The following TAFA1 variants were observed in gnomAD, a reference collection of about 807,000 sequenced individuals.
TAFA1 encodes the protein chemokine-like protein TAFA-1.
TAFA1 carries 4 observed loss-of-function variants against 18.5 expected under a neutral mutation model. The ratio of observed to expected loss-of-function variants is 0.22; its 90% CI spans 0.11 to 0.49. The LOEUF is 0.49. Among genes scored for constraint, TAFA1 ranks in the 20% least tolerant of loss-of-function variants. The probability of loss-of-function intolerance (pLI) is 0.98; values close to 1 mark genes in which losing one functional copy is unlikely to be tolerated. For missense variants in TAFA1, 147 were observed against 169.0 expected (o/e 0.87, Z 0.72); for synonymous variants, 56 against 55.2 (o/e 1.01, Z -0.06).
intron 2 of TAFA1, among the ~76,000 whole-genome samples, chr3:68,070,830 G>A (rs2064745181): frequency 6.6e-6 from 1 of 152,178 alleles, no homozygotes; most frequent in Admixed American, 6.5e-5. Flanking sequence ...TTGCTAAAAT[G>A]TACCAAGTAT....
intron 2 of TAFA1, among the ~76,000 whole-genome samples, chr3:68,239,585 A>G (rs892632995): frequency 6.6e-6 from 1 of 152,198 alleles, no homozygotes; most frequent in African/African-American, 2.4e-5. Flanking sequence ...TATTACTAGC[A>G]TTTGAAGAAG....
chr3:68,281,981 G>A (rs1328307978), intron 2 of TAFA1, among the ~76,000 whole-genome samples: 1 of 152,156 alleles, frequency 6.6e-6, no homozygotes, highest in East Asian at 1.9e-4. Flanking sequence ...AGTTCAGCAT[G>A]GCTGGGGAGG....
At chr3:68,139,810 A>T (rs909271299) in intron 2 of TAFA1, among the ~76,000 whole-genome samples, 1 of 152,188 alleles carries the variant, frequency 6.6e-6, no homozygotes, top group Non-Finnish European at 1.5e-5. Flanking sequence ...ATTTCAACCC[A>T]TGTCAATGTG....
At chr3:68,245,344 G>GCTC (rs2067058606) in intron 2 of TAFA1, among the ~76,000 whole-genome samples, 2 of 152,180 alleles carry the variant, frequency 1.3e-5, no homozygotes, top group Admixed American at 6.5e-5. Flanking sequence ...AGGCCATGTA[G>GCTC]CTAAGGATGA....
chr3:68,316,811 T>G (rs962546637), intron 2 of TAFA1, among the ~76,000 whole-genome samples: 3 of 152,204 alleles, frequency 2.0e-5, no homozygotes, highest in African/African-American at 7.2e-5. Flanking sequence ...AATATTTGAA[T>G]TCAGTGGATT....
At chr3:68,101,147 C>T (rs2065142771) in intron 2 of TAFA1, among the ~76,000 whole-genome samples, 2 of 152,064 alleles carry the variant, frequency 1.3e-5, no homozygotes, top group South Asian at 4.1e-4. Context: ...TTTTCCTGAT[C>T]ATCTCCTTCT....
intron 2 of TAFA1, among the ~76,000 whole-genome samples, chr3:68,359,299 C>A (rs2069426389): frequency 6.6e-6 from 1 of 151,852 alleles, no homozygotes; most frequent in Non-Finnish European, 1.5e-5. Flanking sequence ...AATAATGATC[C>A]CGCCAATGAT....
chr3:68,117,464 A>C (rs2065337808), intron 2 of TAFA1, among the ~76,000 whole-genome samples: 1 of 152,212 alleles, frequency 6.6e-6, no homozygotes, highest in Admixed American at 6.5e-5. Flanking sequence ...AGCTGAATTT[A>C]ATGATAGGTT....
intron 2 of TAFA1, among the ~76,000 whole-genome samples, chr3:68,022,739 T>TA (rs1420858538): frequency 6.7e-6 from 1 of 149,634 alleles, no homozygotes; most frequent in Admixed American, 6.7e-5. Flanking sequence ...GCATTGAGGG[T>TA]AGGAGAAGAC....
rs1394567170 is a variant in TAFA1, at chr3:68,244,230, TG to T, written c.119-173046del. Among the ~76,000 whole-genome samples the T allele has an allele frequency of 2.0e-5, 3 of 152,346 alleles. No homozygotes were observed. In the East Asian group the frequency reaches 5.8e-4, roughly 29 times the overall value. On this transcript the variant is annotated intron_variant, in intron 2 of 4. Coordinates refer to ENST00000478136, the MANE Select transcript of TAFA1 (RefSeq NM_213609.4). ...CTAATTTCCCTTTTCATCCCCTTCA[TG>T]GGGTCTTTTGCAGATCAAAAGTTTC...
chr3:68,043,738 A>G (rs1330604295), intron 2 of TAFA1, among the ~76,000 whole-genome samples: 1 of 152,150 alleles, frequency 6.6e-6, no homozygotes, highest in African/African-American at 2.4e-5. Context: ...GTTGCTTGCC[A>G]GAGTCAAAAC....
chr3:68,294,292 G>A (rs1020665795), intron 2 of TAFA1, among the ~76,000 whole-genome samples: 35 of 151,964 alleles, frequency 2.3e-4, no homozygotes, highest in African/African-American at 8.4e-4. Context: ...ATTTTAAAAA[G>A]TAAAAAAAAG....
intron 2 of TAFA1, among the ~76,000 whole-genome samples, chr3:68,102,017 T>G (rs1162119105): frequency 1.3e-5 from 2 of 152,120 alleles, no homozygotes; most frequent in Non-Finnish European, 2.9e-5. Context: ...TTTAATCAAG[T>G]GTCTTGTCAA....
intron 2 of TAFA1, among the ~76,000 whole-genome samples, chr3:68,376,690 A>G (rs970229179): frequency 6.6e-6 from 1 of 152,128 alleles, no homozygotes. Context: ...TATCTTTGCT[A>G]TTGGGAATAG....
intron 3 of TAFA1, among the ~76,000 whole-genome samples, chr3:68,523,931 T>C (rs970981925): frequency 6.6e-6 from 1 of 152,228 alleles, no homozygotes; most frequent in Admixed American, 6.5e-5. Flanking sequence ...GTACATTGTC[T>C]TTATCATTAC....
intron 2 of TAFA1, among the ~76,000 whole-genome samples, chr3:68,069,318 T>C (rs1340599831): frequency 6.6e-6 from 1 of 152,194 alleles, no homozygotes; most frequent in Non-Finnish European, 1.5e-5. Context: ...ATGTGGATGG[T>C]GGCAGGCAAA....
At chr3:68,363,957 T>C (rs2069521123) in intron 2 of TAFA1, among the ~76,000 whole-genome samples, 3 of 152,194 alleles carry the variant, frequency 2.0e-5, no homozygotes, top group South Asian at 2.1e-4. Context: ...CAACATGCCA[T>C]GAAAAACTGT....
chr3:68,470,618 T>G (rs991617100), intron 3 of TAFA1, among the ~76,000 whole-genome samples: 1 of 152,220 alleles, frequency 6.6e-6, no homozygotes, highest in Non-Finnish European at 1.5e-5. Flanking sequence ...ATTTTGCCCC[T>G]GCCCTAGAGA....
chr3:68,387,491 T>C (rs762434151), intron 2 of TAFA1, among the ~76,000 whole-genome samples: 5 of 152,182 alleles, frequency 3.3e-5, no homozygotes, highest in Non-Finnish European at 7.3e-5. Context: ...CATGGAAATG[T>C]TGTATCTCAA....
Sources: gnomAD v4.1 joint callset for allele counts (sites outside exome capture counted in the v4.1 genomes callset) on GRCh38, gnomAD v4.1.1 for gene constraint, MANE v1.5 for transcripts, NCBI Gene and HGNC (gene_info 2026-07-23, HGNC 2026-07-21) for gene names.